The following SSBP2 variants were observed in gnomAD, a reference collection of about 807,000 sequenced individuals.
The protein encoded by SSBP2 is single-stranded DNA-binding protein 2.
Under a neutral mutation model 61.8 loss-of-function variants are expected in SSBP2, and 17 were observed. That is an observed-to-expected ratio of 0.28 (90% CI 0.19 to 0.41). The LOEUF (loss-of-function observed/expected upper bound fraction) is 0.41. SSBP2 is among the 10% of genes least tolerant of loss of function. The pLI, the probability that SSBP2 is intolerant of heterozygous loss-of-function variation, is 1.00. For missense variants in SSBP2, 310 were observed against 458.7 expected, an observed-to-expected ratio of 0.68 and a Z score of 2.96; for synonymous variants, 139 against 141.3, an observed-to-expected ratio of 0.98 and a Z score of 0.12.
chr5:81,600,040 CA>C (rs1744189502), intron 4 of SSBP2, among the ~76,000 whole-genome samples: 1 of 152,100 alleles, frequency 6.6e-6, no homozygotes, highest in South Asian at 2.1e-4. Context: ...TTGTGCCTGG[CA>C]ATGCCAATAA....
intron 2 of SSBP2, among the ~76,000 whole-genome samples, chr5:81,639,067 G>C (rs897044075): frequency 6.6e-6 from 1 of 152,028 alleles, no homozygotes; most frequent in Non-Finnish European, 1.5e-5. Flanking sequence ...CATTATTACT[G>C]TCAATATGAA....
chr5:81,442,371 C>T (rs1332910613), intron 13 of SSBP2, among the ~76,000 whole-genome samples: 5 of 151,852 alleles, frequency 3.3e-5, no homozygotes, highest in African/African-American at 1.2e-4. Flanking sequence ...CTGTCATTTT[C>T]AAATAGTATA....
intron 4 of SSBP2, among the ~76,000 whole-genome samples, chr5:81,601,904 G>A (rs1744404000): frequency 1.3e-5 from 2 of 152,156 alleles, no homozygotes; most frequent in Non-Finnish European, 2.9e-5. Context: ...AAAACACCTA[G>A]TTATTCAGGG....
Position 81,707,464 on chromosome 5 carries a change from G to T in SSBP2, c.62+43517C>A, listed in dbSNP as rs150346178. 9.2e-3 allele frequency among the ~76,000 whole-genome samples: 1,393 copies of T among 152,104 alleles called. 27 individuals carry two copies. Among genetic ancestry groups the T allele is most frequent in the African/African-American group, 0.032 (1,335 of 41,492 alleles). ...GGGAAGGTGACATGAAGAGACACAG[G>T]GTGAGGTTGGTCAGTTCATCTATAA... On this transcript the variant is annotated intron_variant, in intron 1 of 16. Coordinates refer to ENST00000320672, the MANE Select transcript of SSBP2 (RefSeq NM_012446.5).
At chr5:81,501,446 G>A (rs1328518749) in intron 5 of SSBP2, among the ~76,000 whole-genome samples, 19 of 149,530 alleles carry the variant, frequency 1.3e-4, no homozygotes, top group Admixed American at 5.3e-4. Flanking sequence ...ATTCACATTT[G>A]CAGGCATTCC....
chr5:81,637,186 T>C (rs891911688), intron 2 of SSBP2, among the ~76,000 whole-genome samples: 1 of 152,178 alleles, frequency 6.6e-6, no homozygotes, highest in African/African-American at 2.4e-5. Flanking sequence ...GCAATATCTC[T>C]CTTCAGAGGT....
intron 5 of SSBP2, among the ~76,000 whole-genome samples, chr5:81,493,478 G>A (rs992707112): frequency 3.9e-5 from 6 of 151,976 alleles, no homozygotes; most frequent in Admixed American, 1.3e-4. Context: ...ATTGCAGGCC[G>A]GACGTGGTGA....
At position 81,517,710 on chromosome 5, in the gene SSBP2, T is replaced by C. The variant is rs181678463; in HGVS notation, c.283-3993A>G. ...TATTTCATCATTTCCCATTTCCCCA[T>C]TTCTCTGAAATGCTATTATGTGACT... On this transcript the variant is annotated intron_variant, in intron 4 of 16. Transcript: ENST00000320672. Among the ~76,000 whole-genome samples the C allele has an allele frequency of 1.8e-3, 275 of 152,160 alleles. 1 individual carries two copies. The highest frequency in any genetic ancestry group is 6.3e-3 in the African/African-American group (262 of 41,582).
Position 81,587,747 on chromosome 5 carries a change from G to GCA in SSBP2, c.282+27724_282+27725dup, listed in dbSNP as rs952367728. ...TCTGTCTCAAAACATACACACACAC[G>GCA]CACACACACGCGCGCGCACACACAC... On this transcript the variant is annotated intron_variant, in intron 4 of 16. Transcript: ENST00000320672. Among the ~76,000 whole-genome samples, 4 of 128,230 alleles carry GCA rather than the reference G, an allele frequency of 3.1e-5. No individual in the cohort carries two copies. In the South Asian group the frequency reaches 7.8e-4, roughly 25 times the overall value. The allele number at this position is 128,230 out of a possible 152,430, so 84.1% of individuals were successfully genotyped here.
chr5:81,724,604 C>T (rs978188994), intron 1 of SSBP2, among the ~76,000 whole-genome samples: 2 of 152,080 alleles, frequency 1.3e-5, no homozygotes, highest in South Asian at 4.1e-4. Context: ...AAAATAAAAT[C>T]ACCCCCCACA....
At chr5:81,607,917 T>C (rs1411943252) in intron 4 of SSBP2, among the ~76,000 whole-genome samples, 2 of 152,182 alleles carry the variant, frequency 1.3e-5, no homozygotes, top group Admixed American at 1.3e-4. Context: ...GGAAATGTAC[T>C]GGGTTACAGA....
chr5:81,541,632 T>C (rs556948079), intron 4 of SSBP2, among the ~76,000 whole-genome samples: 6 of 152,286 alleles, frequency 3.9e-5, no homozygotes, highest in Admixed American at 1.3e-4. Flanking sequence ...CCTACAGCCA[T>C]CTGATCTTTG....
chr5:81,558,251 T>G (rs1312615556), intron 4 of SSBP2, among the ~76,000 whole-genome samples: 2 of 152,194 alleles, frequency 1.3e-5, no homozygotes, highest in Non-Finnish European at 2.9e-5. Context: ...TTGCTACATG[T>G]CTTAGTCTGG....
intron 1 of SSBP2, among the ~76,000 whole-genome samples, chr5:81,651,142 G>A (rs966011937): frequency 2.0e-5 from 3 of 152,068 alleles, no homozygotes; most frequent in African/African-American, 7.2e-5. Context: ...TTAGTCTGAG[G>A]CAGTATTTTT....
At chr5:81,566,387 A>G (rs1773425319) in intron 4 of SSBP2, among the ~76,000 whole-genome samples, 1 of 152,140 alleles carries the variant, frequency 6.6e-6, no homozygotes, top group African/African-American at 2.4e-5. Flanking sequence ...AATAAGTCTC[A>G]CAAGACCTGA....
At position 81,536,398 on chromosome 5, in the gene SSBP2, A is replaced by G. The variant is rs575382877; in HGVS notation, c.283-22681T>C. On this transcript the variant is annotated intron_variant, in intron 4 of 16. Coordinates refer to ENST00000320672, the MANE Select transcript of SSBP2 (RefSeq NM_012446.5). ...AACTTGTGTCATGGGGGTTCGTTGT[A>G]CAGGTTATTTCATCACCCAGGTATT... 1.2e-3 allele frequency among the ~76,000 whole-genome samples: 190 copies of G among 152,266 alleles called. 1 individual carries two copies. Among genetic ancestry groups the G allele is most frequent in the African/African-American group, 4.4e-3 (182 of 41,578 alleles).
At chr5:81,579,577 T>A (rs1421237988) in intron 4 of SSBP2, among the ~76,000 whole-genome samples, 1 of 152,170 alleles carries the variant, frequency 6.6e-6, no homozygotes, top group African/African-American at 2.4e-5. Context: ...AATTTTAATC[T>A]TAGCTGCTTC....
intron 1 of SSBP2, among the ~76,000 whole-genome samples, chr5:81,714,090 G>A (rs1238744469): frequency 2.0e-5 from 3 of 151,984 alleles, no homozygotes; most frequent in Non-Finnish European, 4.4e-5. Flanking sequence ...CTGGTGTGTG[G>A]TGTTTCCCTC....
rs775235768 is a variant in SSBP2, at chr5:81,442,680, T to G, written c.822A>C (p.Ala274=). The G allele has an allele frequency of 6.3e-7, 1 of 1,582,498 alleles. No homozygotes were observed. The highest frequency in any genetic ancestry group is 1.4e-5 in the African/African-American group (1 of 73,582). Residue 274 remains alanine (A), a synonymous_variant, in exon 13 of 17, where the codon GCA becomes GCC. Coordinates refer to ENST00000320672, the MANE Select transcript of SSBP2 (RefSeq NM_012446.5). ...TAGGTCTGTTAGGTCCAGGAGGTACTGCATTCATTAAAGTATACATGTTAT... is the reference window on the plus strand; with the variant it reads ...TAGGTCTGTTAGGTCCAGGAGGTACGGCATTCATTAAAGTATACATGTTAT...
Sources: gnomAD v4.1 joint callset for allele counts (sites outside exome capture counted in the v4.1 genomes callset) on GRCh38, gnomAD v4.1.1 for gene constraint, MANE v1.5 for transcripts, NCBI Gene and HGNC (gene_info 2026-07-23, HGNC 2026-07-21) for gene names.